Variants in HPX observed in about 807,000 individuals in gnomAD.
HPX encodes the protein beta-1B-glycoprotein.
In HPX, 42 loss-of-function variants were observed where a neutral mutation model predicts 53.8. The observed-to-expected ratio is 0.78, with a 90% CI of 0.61 to 1.01. The LOEUF is 1.01. Ranked by LOEUF, HPX falls within the 50% of genes least tolerant of loss-of-function variation. The pLI, the probability that HPX is intolerant of heterozygous loss-of-function variation, is 0.00. For missense variants in HPX, 547 were observed against 594.3 expected (o/e 0.92, Z 0.83); for synonymous variants, 229 against 221.1 (o/e 1.04, Z -0.32).
In HPX at chr11:6,431,110, C is replaced by G. The variant is rs1402102088; in HGVS notation, c.*101G>C. On this transcript the variant is annotated 3_prime_UTR_variant, in exon 10 of 10. Coordinates refer to ENST00000265983, the MANE Select transcript of HPX (RefSeq NM_000613.3). ...ACTGGGGAGGTGGGGCCAGGCCAGA[C>G]TCATGTCAGAAGGCCCCTCAGTGAG... 2.0e-6 allele frequency: 3 copies of G among 1,507,178 alleles called. No individual in the cohort carries two copies. The highest frequency in any genetic ancestry group is 1.8e-4 in the Middle Eastern group (1 of 5,416). The allele number at this position is 1,507,178 out of a possible 1,614,324, so 93.4% of individuals were successfully genotyped here. A position where few individuals can be genotyped will look rare whatever the true frequency, so the allele number is the denominator to read the frequency against.
At chr11:6,437,002 A>G in intron 7 of HPX, 44 bp downstream of exon 7, 1 of 1,603,696 alleles carries the variant, frequency 6.2e-7, no homozygotes, top group Non-Finnish European at 8.5e-7. Context: ...ATACAAGTAA[A>G]AGAGATGTGA....
At position 6,431,946 on chromosome 11, in the gene HPX, G is replaced by A. The variant is rs1460620024; in HGVS notation, c.907C>T (p.Gln303Ter). 1.2e-6 allele frequency: 2 copies of A among 1,614,048 alleles called. No individual in the cohort carries two copies. Among genetic ancestry groups the A allele is most frequent in the Admixed American group, 3.3e-5 (2 of 60,010 alleles). Residue 303 changes from glutamine (Q) to a stop codon, truncating the protein, a stop_gained, in exon 8 of 10, where the codon CAG becomes TAG. Transcript: ENST00000265983. LOFTEE classifies it high-confidence loss of function. ...HSWPIAHQWP[Q>*]GPSAVDAAFS... is the part of the protein sequence containing the mutation. ...GCAGCATCCACTGCTGAAGGACCCT[G>A]GGGCCACTGATGAGCAATGGGCCAG... is the stretch of plus-strand genomic sequence containing the variant.
At chr11:6,431,502 T>C (rs1271568705) in intron 9 of HPX, 32 bp from the exon 10 acceptor site, 1 of 1,613,156 alleles carries the variant, frequency 6.2e-7, no homozygotes, top group South Asian at 1.1e-5. Flanking sequence ...TAGCATGGCT[T>C]CCATGTCATG....
At chr11:6,433,113 G>C (rs1400852547) in intron 7 of HPX, among the ~76,000 whole-genome samples, 1 of 152,194 alleles carries the variant, frequency 6.6e-6, no homozygotes, top group Non-Finnish European at 1.5e-5. Flanking sequence ...CAGTTGCTGA[G>C]TCCACGAAAG....
rs1849349926 is a variant in HPX at position 6,431,640 on chromosome 11, C to T, written c.1129+1G>A. ...CCTCTAAGCACCCAGAAGCCCCTCA[C>T]CTGCCATGATATGGAGCCGAGAAGA... On this transcript the variant is annotated splice_donor_variant, in intron 9 of 9. Coordinates refer to ENST00000265983, the MANE Select transcript of HPX (RefSeq NM_000613.3). LOFTEE classifies it high-confidence loss of function. The T allele has an allele frequency of 3.1e-6, 5 of 1,613,496 alleles. No individual in the cohort carries two copies. Among genetic ancestry groups the T allele is most frequent in the Non-Finnish European group, 4.2e-6 (5 of 1,180,010 alleles).
chr11:6,437,123 T>A lies in HPX; in HGVS notation c.758A>T (p.Glu253Val). 1.2e-6 allele frequency: 2 copies of A among 1,614,106 alleles called. No individual in the cohort carries two copies. The highest frequency in any genetic ancestry group is 1.7e-6 in the Non-Finnish European group (2 of 1,180,010). Reference sequence around the variant, plus strand: ...TAGATGTGGGCTACAGCGCATATACTCAGGGCCATGGTGGGTACTGTTCCC... The same window carrying A: ...TAGATGTGGGCTACAGCGCATATACACAGGGCCATGGTGGGTACTGTTCCC... ...GHGNSTHHGP[E>V]YMRCSPHLVL... The change falls in exon 7 of 10, where the codon GAG (glutamate) becomes GTG (valine). Residue 253 changes from glutamate (E) to valine (V), a missense_variant. Physicochemically the swap from Glu to Val is moderately radical, Grantham distance 121. Transcript: ENST00000265983.
chr11:6,440,124 C>T (rs1386038826), intron 4 of HPX, 41 bp downstream of exon 4: 1 of 1,613,308 alleles, frequency 6.2e-7, no homozygotes, highest in Non-Finnish European at 8.5e-7. Context: ...GTGTCGATTC[C>T]AGCCCTTTCC....
intron 5 of HPX, 92 bp from the exon 6 acceptor site, chr11:6,437,744 A>G: frequency 1.1e-6 from 1 of 913,068 alleles, no homozygotes; most frequent in Non-Finnish European, 1.8e-6. Flanking sequence ...AGATAATGGT[A>G]CTGACCACAT....
At chr11:6,439,242 T>C (rs1849455095) in intron 4 of HPX, among the ~76,000 whole-genome samples, 1 of 152,164 alleles carries the variant, frequency 6.6e-6, no homozygotes, top group South Asian at 2.1e-4. Flanking sequence ...TTCGTATGGC[T>C]GGCACACAGT....
Position 6,431,713 on chromosome 11 carries a change from G to C in HPX, c.1057C>G (p.His353Asp). ...TCCACAGAGTCCAGGATAATCCCATGAGGGGTCCCGACTTCCTTCTCCAGC... is the reference window on the plus strand; with the variant it reads ...TCCACAGAGTCCAGGATAATCCCATCAGGGGTCCCGACTTCCTTCTCCAGC... The part of the protein sequence containing the change: ...KRLEKEVGTP[H>D]GIILDSVDAA... Residue 353 changes from histidine to aspartate, a missense_variant, in exon 9 of 10, where the codon CAT becomes GAT. Transcript: ENST00000265983. 1 of 1,614,198 alleles carries C rather than the reference G, an allele frequency of 6.2e-7. No homozygotes were observed. The highest frequency in any genetic ancestry group is 1.1e-5 in the South Asian group (1 of 91,080).
intron 7 of HPX, 109 bp downstream of exon 7, chr11:6,436,937 G>C: frequency 8.1e-7 from 1 of 1,237,294 alleles, no homozygotes; most frequent in South Asian, 1.3e-5. Flanking sequence ...GGGGACAGAG[G>C]GGACAAAATA....
At position 6,440,112 on chromosome 11, in the gene HPX, C is replaced by A. The variant is rs776758723; in HGVS notation, c.336+53G>T. The A allele has an allele frequency of 1.2e-5, 20 of 1,612,066 alleles. No individual in the cohort carries two copies. In the Admixed American group the frequency reaches 3.3e-4, roughly 27 times the overall value. ...CAAGGCCATTTGGGGGAAGGGTCCC[C>A]AGTGTCGATTCCAGCCCTTTCCAGC... On this transcript the variant is annotated intron_variant, in intron 4 of 9. Transcript: ENST00000265983.
intron 7 of HPX, among the ~76,000 whole-genome samples, chr11:6,435,151 T>G (rs1183179879): frequency 2.0e-5 from 3 of 152,074 alleles, no homozygotes. Context: ...GGTATGCGCC[T>G]GTAGTCCCAG....
chr11:6,437,413 A>G (rs1332914139), intron 6 of HPX, 27 bp downstream of exon 6: 7 of 1,590,794 alleles, frequency 4.4e-6, no homozygotes, highest in East Asian at 4.5e-5. Context: ...GAATTCTGAC[A>G]GGTCTCAAGT....
intron 7 of HPX, among the ~76,000 whole-genome samples, 159 bp downstream of exon 7, chr11:6,436,887 G>A (rs1265127838): frequency 2.6e-5 from 4 of 152,216 alleles, no homozygotes; most frequent in Admixed American, 2.6e-4. Flanking sequence ...TGAGAAATAT[G>A]CCTCAGAGAT....
rs1442911212 is a variant in HPX, at chr11:6,437,124, CAGGGCCATGGTGGG to C, written c.743_756del (p.Thr248ArgfsTer6). 5 of 1,614,034 alleles carry C rather than the reference CAGGGCCATGGTGGG, an allele frequency of 3.1e-6. No homozygotes were observed. The highest frequency in any genetic ancestry group is 4.2e-6 in the Non-Finnish European group (5 of 1,180,034). On this transcript the variant is annotated frameshift_variant, in exon 7 of 10. Transcript: ENST00000265983. LOFTEE classifies it high-confidence loss of function. ...AGATGTGGGCTACAGCGCATATACT[CAGGGCCATGGTGGG>C]TACTGTTCCCATGGCCAGTCCCATT...
chr11:6,432,002 C>T lies in HPX; in HGVS notation c.851G>A (p.Arg284His), dbSNP rs150117990. 1.8e-4 allele frequency: 283 copies of T among 1,614,198 alleles called. 3 individuals carry two copies. The East Asian group carries it at 4.5e-3, about 26-fold the overall frequency. ...CCAGCCATCCCGGCTGGTGTCCAGA[C>T]GCCAGTAGTGGGTCCCTGTGGAATA... ...TYAFSGTHYW[R>H]LDTSRDGWHS... Residue 284 changes from arginine (R) to histidine (H), a missense_variant, in exon 8 of 10, where the codon CGT becomes CAT. Arg to His is a conservative substitution (Grantham distance 29, BLOSUM62 0). Transcript: ENST00000265983.
chr11:6,436,791 C>T (rs576162343), intron 7 of HPX, among the ~76,000 whole-genome samples: 13 of 152,210 alleles, frequency 8.5e-5, no homozygotes, highest in African/African-American at 3.1e-4. Context: ...CATAGGGGCC[C>T]AGAGAGGTCC....
chr11:6,440,861 C>G lies in HPX; in HGVS notation c.83+20G>C. ...TAGCCCAGAACTCAATCCTTCGCTT[C>G]TAGTCCCAGCTTTACTCACGGAGGA... is the stretch of plus-strand genomic sequence containing the variant. On this transcript the variant is annotated intron_variant, in intron 1 of 9. Transcript: ENST00000265983. 1 of 1,611,752 alleles carries G rather than the reference C, an allele frequency of 6.2e-7. No homozygotes were observed. The highest frequency in any genetic ancestry group is 8.5e-7 in the Non-Finnish European group (1 of 1,178,040).
Sources: allele counts gnomAD v4.1 joint callset (sites outside exome capture counted in the v4.1 genomes callset), GRCh38; gene constraint gnomAD v4.1.1; transcripts MANE v1.5; gene names NCBI Gene and HGNC (gene_info 2026-07-23, HGNC 2026-07-21).